SCAI: variants seen among roughly 807,000 people sequenced by gnomAD.
The protein encoded by SCAI is protein SCAI.
Under a neutral mutation model 92.2 loss-of-function variants are expected in SCAI, and 24 were observed. The observed-to-expected ratio is 0.26, with a 90% CI of 0.19 to 0.37. The LOEUF (loss-of-function observed/expected upper bound fraction) is 0.37, where lower values mean the gene tolerates loss of function less well. Ranked by LOEUF, SCAI falls within the 10% of genes least tolerant of loss-of-function variation. The pLI is 1.00. For missense variants in SCAI, 450 were observed against 736.2 expected, an observed-to-expected ratio of 0.61 and a Z score of 4.50; for synonymous variants, 261 against 258.6, an observed-to-expected ratio of 1.01 and a Z score of -0.09.
intron 3 of SCAI, among the ~76,000 whole-genome samples, chr9:125,051,350 G>T (rs1057003312): frequency 6.6e-6 from 1 of 152,028 alleles, no homozygotes; most frequent in African/African-American, 2.4e-5. Context: ...ATTGAAGAGG[G>T]TCACTCAATA....
chr9:125,087,621 A>C (rs987034175), intron 2 of SCAI, among the ~76,000 whole-genome samples: 1 of 152,248 alleles, frequency 6.6e-6, no homozygotes, highest in Non-Finnish European at 1.5e-5. Flanking sequence ...ATTAGAAAAA[A>C]GTACTTGCGG....
chr9:124,982,839 A>C (rs1204785111), intron 14 of SCAI, among the ~76,000 whole-genome samples: 2 of 152,140 alleles, frequency 1.3e-5, no homozygotes, highest in Admixed American at 1.3e-4. Flanking sequence ...TTTGCCTAGG[A>C]AATTATTTCT....
intron 17 of SCAI, chr9:124,968,887 G>T: frequency 2.1e-5 from 9 of 432,296 alleles, no homozygotes; most frequent in South Asian, 3.8e-5. Context: ...AGGCTATGTA[G>T]TTCATCTGTT....
At chr9:125,098,047 A>ATG (rs1383794961) in intron 2 of SCAI, among the ~76,000 whole-genome samples, 4 of 151,406 alleles carry the variant, frequency 2.6e-5, no homozygotes, top group Non-Finnish European at 5.9e-5. Flanking sequence ...ACATATATAT[A>ATG]TGTGTATATA....
At chr9:125,058,794 A>G (rs1833720418) in intron 2 of SCAI, among the ~76,000 whole-genome samples, 1 of 152,208 alleles carries the variant, frequency 6.6e-6, no homozygotes, top group Non-Finnish European at 1.5e-5. Flanking sequence ...GGGTAGAAAA[A>G]GTACAGGATC....
intron 9 of SCAI, 47 bp from the exon 10 acceptor site, chr9:125,003,617 G>A (rs375830165): frequency 6.1e-5 from 73 of 1,199,488 alleles, no homozygotes; most frequent in Middle Eastern, 1.9e-4. Context: ...AATGCAACAC[G>A]CAGACTTTAA....
At position 124,987,180 on chromosome 9, in the gene SCAI, T is replaced by G. The variant is rs367796722; in HGVS notation, c.1326+7754A>C. Among the ~76,000 whole-genome samples the G allele has an allele frequency of 6.6e-5, 10 of 152,176 alleles. No homozygotes were observed. The South Asian group carries it at 2.1e-3, about 32-fold the overall frequency. On this transcript the variant is annotated intron_variant, in intron 14 of 17. Transcript: ENST00000336505. Reference sequence around the variant, plus strand: ...CTGGGATTACAGGCATGTGCCACCATGCCTAGCTAATTTTTGTATTTTTAG... The same window carrying G: ...CTGGGATTACAGGCATGTGCCACCAGGCCTAGCTAATTTTTGTATTTTTAG...
At chr9:125,135,514 A>C (rs752892443) in intron 2 of SCAI, among the ~76,000 whole-genome samples, 1 of 152,206 alleles carries the variant, frequency 6.6e-6, no homozygotes, top group Non-Finnish European at 1.5e-5. Context: ...TTAGCTGGGC[A>C]TGGTGGTGCG....
intron 17 of SCAI, among the ~76,000 whole-genome samples, chr9:124,967,828 A>G (rs1831570556): frequency 6.6e-6 from 1 of 152,188 alleles, no homozygotes; most frequent in African/African-American, 2.4e-5. Flanking sequence ...AAGTGCTTCC[A>G]CTTTGAAAGA....
intron 17 of SCAI, among the ~76,000 whole-genome samples, chr9:124,970,465 T>A (rs1475949327): frequency 6.6e-6 from 1 of 151,850 alleles, no homozygotes; most frequent in East Asian, 1.9e-4. Context: ...ATGCCAATAA[T>A]CCCAGCGCTT....
chr9:125,059,658 C>T (rs1021038130), intron 2 of SCAI, among the ~76,000 whole-genome samples: 4 of 152,182 alleles, frequency 2.6e-5, no homozygotes, highest in African/African-American at 4.8e-5. Flanking sequence ...TATGAGGGGA[C>T]ATTAAATGGT....
rs1831200138 is a variant in SCAI, at chr9:124,949,397, AG to A, written c.*3409del. 6.6e-6 allele frequency: 1 copy of A among 152,264 alleles called. No individual in the cohort carries two copies. The highest frequency in any genetic ancestry group is 2.4e-5 in the African/African-American group (1 of 41,466). The allele number at this position is 152,264 out of a possible 1,614,324, so 9.4% of individuals were successfully genotyped here. On this transcript the variant is annotated 3_prime_UTR_variant, in exon 18 of 18. Transcript: ENST00000336505. The surrounding 1 kb of genome is among the most constrained non-coding windows in gnomAD (Gnocchi z 4.0). The stretch of plus-strand genomic sequence containing the variant: ...AACTATGTTTAAAACTTTCATAAAA[AG>A]AAAGAAAAGGCAAAGTGTTCATGCA...
At chr9:125,028,650 T>C (rs930931601) in intron 4 of SCAI, among the ~76,000 whole-genome samples, 172 bp from the exon 5 acceptor site, 3 of 149,178 alleles carry the variant, frequency 2.0e-5, no homozygotes, top group African/African-American at 7.3e-5. Flanking sequence ...ATTAAATGTC[T>C]ATTTATAAGT....
chr9:125,128,762 A>T (rs995056860), intron 2 of SCAI, among the ~76,000 whole-genome samples: 10 of 147,480 alleles, frequency 6.8e-5, no homozygotes, highest in Non-Finnish European at 1.0e-4. Context: ...CAAAAAAAAA[A>T]AATAAATAAT....
At chr9:124,984,216 AG>A (rs1831942503) in intron 14 of SCAI, among the ~76,000 whole-genome samples, 1 of 152,328 alleles carries the variant, frequency 6.6e-6, no homozygotes, top group Middle Eastern at 3.4e-3. Context: ...AGGAACAGCA[AG>A]GGGGTCAGTG....
Position 125,088,517 on chromosome 9 carries a change from C to T in SCAI, c.99-32510G>A, listed in dbSNP as rs1048225029. ...CTCCAGGATTGTTTCCTGAGGCCTACTCAGCCATGATTCCTGTACAGGCTA... is the reference window on the plus strand; with the variant it reads ...CTCCAGGATTGTTTCCTGAGGCCTATTCAGCCATGATTCCTGTACAGGCTA... On this transcript the variant is annotated intron_variant, in intron 2 of 17. Coordinates refer to ENST00000336505, the MANE Select transcript of SCAI (RefSeq NM_001144877.3). 9.2e-5 allele frequency among the ~76,000 whole-genome samples: 14 copies of T among 152,332 alleles called. No individual in the cohort carries two copies. The East Asian group carries it at 2.7e-3, about 29-fold the overall frequency.
At chr9:125,032,195 A>ATT (rs71374219) in intron 3 of SCAI, among the ~76,000 whole-genome samples, 1,473 of 99,320 alleles carry the variant, frequency 0.015, 46 homozygotes, top group African/African-American at 0.039. Context: ...ATATATATAT[A>ATT]TTTTTTTTTT....
chr9:125,128,613 TGTG>T, intron 2 of SCAI, among the ~76,000 whole-genome samples: 1 of 150,610 alleles, frequency 6.6e-6, no homozygotes, highest in South Asian at 2.1e-4. Flanking sequence ...ATTAGCCGGG[TGTG>T]GTGGTGTGTG....
In SCAI at chr9:124,944,340, C is replaced by T. The variant is rs1009818870; in HGVS notation, c.*8467G>A. ...TTGAGAATGAGTCTTGCTCTGTCAC[C>T]CAGACTGGAGTGCAATGGCACGATC... On this transcript the variant is annotated 3_prime_UTR_variant, in exon 18 of 18. Transcript: ENST00000336505. The T allele has an allele frequency of 7.3e-5, 11 of 150,712 alleles. No individual in the cohort carries two copies. The highest frequency in any genetic ancestry group is 9.8e-5 in the African/African-American group (4 of 40,948). The allele number at this position is 150,712 out of a possible 1,614,324, so 9.3% of individuals were successfully genotyped here. A position where few individuals can be genotyped will look rare whatever the true frequency, so the allele number is the denominator to read the frequency against.
Sources: gnomAD v4.1 joint callset for allele counts (sites outside exome capture counted in the v4.1 genomes callset) on GRCh38, gnomAD v4.1.1 for gene constraint, Gnocchi (gnomAD v3.1) non-coding constraint, MANE v1.5 for transcripts, NCBI Gene and HGNC (gene_info 2026-07-23, HGNC 2026-07-21) for gene names.